Variants in RBMS2 observed in about 807,000 individuals in gnomAD.
RBMS2 encodes RNA-binding motif, single-stranded-interacting protein 2.
Under a neutral mutation model 58.4 loss-of-function variants are expected in RBMS2, and 38 were observed. That is an observed-to-expected ratio of 0.65 (90% CI 0.50 to 0.85). The LOEUF is 0.85. RBMS2 is among the 40% of genes least tolerant of loss of function. The probability of loss-of-function intolerance (pLI) is 0.00; values close to 1 mark genes in which losing one functional copy is unlikely to be tolerated. For missense variants in RBMS2, 367 were observed against 503.7 expected, an observed-to-expected ratio of 0.73 and a Z score of 2.60; for synonymous variants, 151 against 180.7, an observed-to-expected ratio of 0.84 and a Z score of 1.32.
chr12:56,533,573 AC>A (rs1345184322), intron 1 of RBMS2, among the ~76,000 whole-genome samples: 1 of 150,436 alleles, frequency 6.6e-6, no homozygotes, highest in Admixed American at 6.7e-5. Context: ...ATGCCACTAC[AC>A]CTGGCTTATT....
chr12:56,525,403 G>T (rs949923334), intron 1 of RBMS2, among the ~76,000 whole-genome samples: 20 of 151,880 alleles, frequency 1.3e-4, no homozygotes, highest in African/African-American at 4.8e-4. Context: ...TCTAATTTTA[G>T]TAGAGACGAG....
At chr12:56,520,743 T>C (rs1871646851), upstream of RBMS2, among the ~76,000 whole-genome samples, 1 of 152,180 alleles carries the variant, frequency 6.6e-6, no homozygotes, top group Admixed American at 6.6e-5. Flanking sequence ...ATTTTTTTTT[T>C]TTAAACAGCT....
intron 2 of RBMS2, among the ~76,000 whole-genome samples, chr12:56,566,783 A>G (rs977418330): frequency 1.3e-5 from 2 of 152,160 alleles, no homozygotes; most frequent in African/African-American, 4.8e-5. Context: ...ACGCCACTGC[A>G]CTCCAGCCTG....
rs192343811 is a variant in RBMS2 at position 56,546,623 on chromosome 12, G to A, written c.67-15794G>A. On this transcript the variant is annotated intron_variant, in intron 1 of 13. Coordinates refer to ENST00000262031, the MANE Select transcript of RBMS2 (RefSeq NM_002898.4). ...ACTGGGATTACAGGCATGAGCCACC[G>A]TGCCCAGCCTAGTTTTTGTATTTTT... Among the ~76,000 whole-genome samples the A allele has an allele frequency of 8.1e-3, 1,229 of 151,338 alleles. 9 individuals carry two copies. The highest frequency in any genetic ancestry group is 0.01 in the Non-Finnish European group (684 of 67,792).
chr12:56,536,237 C>T (rs2136278232), intron 1 of RBMS2, among the ~76,000 whole-genome samples: 1 of 146,922 alleles, frequency 6.8e-6, no homozygotes, highest in African/African-American at 2.6e-5. Context: ...AATCCCAGCA[C>T]TCTGGAAGGG....
chr12:56,575,136 C>T (rs1223379526), intron 5 of RBMS2, among the ~76,000 whole-genome samples: 1 of 151,508 alleles, frequency 6.6e-6, no homozygotes, highest in Non-Finnish European at 1.5e-5. Context: ...GCGACATGCA[C>T]TTCAGCCTGG....
At chr12:56,581,343 G>A in intron 6 of RBMS2, 56 bp from the exon 7 acceptor site, 1 of 1,596,716 alleles carries the variant, frequency 6.3e-7, no homozygotes, top group Non-Finnish European at 8.6e-7. Context: ...TTGCATGACT[G>A]TGCCTGGGCC....
rs1885247165 is a variant in RBMS2, at chr12:56,590,739, CAT to C, written c.*1607_*1608del. 6.6e-6 allele frequency: 1 copy of C among 152,230 alleles called. No individual in the cohort carries two copies. The highest frequency in any genetic ancestry group is 2.4e-5 in the African/African-American group (1 of 41,420). 9.4% of individuals were successfully genotyped at this position (152,230 alleles called of 1,614,324 possible). A position where few individuals can be genotyped will look rare whatever the true frequency, so the allele number is the denominator to read the frequency against. On this transcript the variant is annotated 3_prime_UTR_variant, in exon 14 of 14. Transcript: ENST00000262031. ...GCTGTGGCTCCATGCTGAATGCACA[CAT>C]GTACTCAGAGGGATTCAGGTGGGCA...
At position 56,570,573 on chromosome 12, in the gene RBMS2, T is replaced by C. The variant is rs190497759; in HGVS notation, c.384+583T>C. ...GGATTGTCTCCTTGCCTTTCTATTT[T>C]ATTTTATTTATTTATTTATTTTGAG... On this transcript the variant is annotated intron_variant, in intron 4 of 13. Transcript: ENST00000262031. 2.6e-3 allele frequency among the ~76,000 whole-genome samples: 402 copies of C among 152,262 alleles called. 1 individual carries two copies. The highest frequency in any genetic ancestry group is 9.5e-3 in the African/African-American group (393 of 41,546).
chr12:56,589,436 T>C lies in RBMS2; in HGVS notation c.*303T>C. ...CTTTTTGTTTTTAACTGCAACGTAC[T>C]TTTCCCCTACCTTGAAGAGACATGG... On this transcript the variant is annotated 3_prime_UTR_variant, in exon 14 of 14. Coordinates refer to ENST00000262031, the MANE Select transcript of RBMS2 (RefSeq NM_002898.4). 1.8e-6 allele frequency: 1 copy of C among 543,192 alleles called. No homozygotes were observed. The highest frequency in any genetic ancestry group is 2.7e-5 in the South Asian group (1 of 36,908). The allele number at this position is 543,192 out of a possible 1,614,324, so 33.6% of individuals were successfully genotyped here.
intron 1 of RBMS2, chr12:56,539,695 C>T (rs1442233067): frequency 2.0e-5 from 9 of 451,974 alleles, no homozygotes; most frequent in Non-Finnish European, 4.0e-5. Context: ...GATGGAGTTT[C>T]GTTCGCTCTT....
At chr12:56,575,565 C>A (rs942982140) in intron 5 of RBMS2, among the ~76,000 whole-genome samples, 15 of 151,280 alleles carry the variant, frequency 9.9e-5, no homozygotes, top group Non-Finnish European at 1.5e-4. Context: ...CTACACCCCC[C>A]CTCAAAAAAA....
intron 1 of RBMS2, chr12:56,539,689 G>A (rs984611728): frequency 6.6e-6 from 3 of 451,138 alleles, no homozygotes; most frequent in Non-Finnish European, 1.3e-5. Flanking sequence ...TTTTGAGATG[G>A]AGTTTCGTTC....
intron 1 of RBMS2, 137 bp downstream of exon 1, chr12:56,522,226 C>T (rs1218931070): frequency 3.0e-6 from 2 of 659,888 alleles, no homozygotes; most frequent in Non-Finnish European, 5.0e-6. Context: ...CGCGCTTCTC[C>T]CTTTTCCACT....
intron 1 of RBMS2, among the ~76,000 whole-genome samples, chr12:56,541,791 A>G (rs1443540334): frequency 6.6e-6 from 1 of 152,198 alleles, no homozygotes; most frequent in Non-Finnish European, 1.5e-5. Flanking sequence ...CTCTGCAGCT[A>G]GCTGGATCTC....
At chr12:56,561,740 C>T (rs1009375568) in intron 1 of RBMS2, among the ~76,000 whole-genome samples, 20 of 115,172 alleles carry the variant, frequency 1.7e-4, no homozygotes, top group Admixed American at 1.1e-3. Flanking sequence ...TGGTCTTGAA[C>T]TCCTGACCTC....
At chr12:56,573,280 C>T (rs1747470634) in intron 5 of RBMS2, 1 of 707,016 alleles carries the variant, frequency 1.4e-6, no homozygotes, top group South Asian at 6.4e-5. Flanking sequence ...AGTTTGAGAC[C>T]AGCCTGGCCA....
At chr12:56,574,919 C>A (rs182600549) in intron 5 of RBMS2, among the ~76,000 whole-genome samples, 3 of 152,238 alleles carry the variant, frequency 2.0e-5, no homozygotes, top group East Asian at 3.9e-4. Flanking sequence ...GAGGCCGAGG[C>A]GGGCGGATCA....
chr12:56,595,550 A>AT lies in RBMS2; in HGVS notation c.*6421dup, dbSNP rs1885693905. 6.7e-6 allele frequency: 1 copy of AT among 149,076 alleles called. No homozygotes were observed. The highest frequency in any genetic ancestry group is 2.5e-5 in the African/African-American group (1 of 40,612). 9.2% of individuals were successfully genotyped at this position (149,076 alleles called of 1,614,324 possible). ...CTTCCCTACAACTTGGTAGAGGTCC[A>AT]TTTTGTCTTACTTCACACTTTTTTT... is the stretch of plus-strand genomic sequence containing the variant. On this transcript the variant is annotated 3_prime_UTR_variant, in exon 14 of 14. Transcript: ENST00000262031.
Sources: gnomAD v4.1 joint callset for allele counts (sites outside exome capture counted in the v4.1 genomes callset) on GRCh38, gnomAD v4.1.1 for gene constraint, MANE v1.5 for transcripts, NCBI Gene and HGNC (gene_info 2026-07-23, HGNC 2026-07-21) for gene names.